Variants in SEMA3A observed in about 807,000 individuals in gnomAD.
SEMA3A encodes the protein semaphorin 3A, also known as semaphorin-3A.
SEMA3A carries 29 observed loss-of-function variants against 97.9 expected under a neutral mutation model. That is an observed-to-expected ratio of 0.30 (90% CI 0.22 to 0.40). The LOEUF is 0.40. Among genes scored for constraint, SEMA3A ranks in the 10% least tolerant of loss-of-function variants. The pLI is 1.00. For synonymous variants in SEMA3A, 321 were observed against 323.7 expected, an observed-to-expected ratio of 0.99 and a Z score of 0.09; for missense variants, 763 against 951.3, an observed-to-expected ratio of 0.80 and a Z score of 2.60.
intron 1 of SEMA3A, among the ~76,000 whole-genome samples, chr7:84,428,651 T>C (rs1435458125): frequency 6.6e-6 from 1 of 152,082 alleles, no homozygotes; most frequent in Non-Finnish European, 1.5e-5. Flanking sequence ...ATTCCATTAG[T>C]ATAAAAATTT....
chr7:84,406,791 A>G (rs1434564663), intron 1 of SEMA3A, among the ~76,000 whole-genome samples: 4 of 152,184 alleles, frequency 2.6e-5, no homozygotes, highest in African/African-American at 9.7e-5. Flanking sequence ...ACAGAACCAA[A>G]GACAAAAACC....
In SEMA3A at chr7:84,014,484, G is replaced by A. The variant is rs1791013913; in HGVS notation, c.668-133C>T. 8.7e-6 allele frequency: 6 copies of A among 690,614 alleles called. No individual in the cohort carries two copies. In the South Asian group the frequency reaches 9.9e-5, roughly 11 times the overall value. The allele number at this position is 690,614 out of a possible 1,614,324, so 42.8% of individuals were successfully genotyped here. A position where few individuals can be genotyped will look rare whatever the true frequency, so the allele number is the denominator to read the frequency against. On this transcript the variant is annotated intron_variant, in intron 6 of 16. Coordinates refer to ENST00000265362, the MANE Select transcript of SEMA3A (RefSeq NM_006080.3). ...AACGTATCTTTCGTTTGTTCATTTT[G>A]TAGGTACATATTAATTGTTCTTTAT... is the stretch of plus-strand genomic sequence containing the variant.
intron 1 of SEMA3A, among the ~76,000 whole-genome samples, chr7:84,173,051 C>T (rs1302774524): frequency 6.6e-6 from 1 of 152,040 alleles, no homozygotes; most frequent in African/African-American, 2.4e-5. Flanking sequence ...TTTGTTTCTG[C>T]CAACACTTTA....
chr7:84,007,449 C>T lies in SEMA3A; in HGVS notation c.1044G>A (p.Val348=). ...SAVCMYSMSD[V]RRVFLGPYAH... ...CATATGGACCAAGGAACACCCTTCT[C>T]ACATCACTCATGCTATACATACACA... is the stretch of plus-strand genomic sequence containing the variant. The change falls in exon 10 of 17, where the codon GTG becomes GTA. Residue 348 remains valine (V), a synonymous_variant. Coordinates refer to ENST00000265362, the MANE Select transcript of SEMA3A (RefSeq NM_006080.3). The T allele has an allele frequency of 6.2e-7, 1 of 1,606,620 alleles. No homozygotes were observed. Among genetic ancestry groups the T allele is most frequent in the Non-Finnish European group, 8.5e-7 (1 of 1,176,388 alleles).
At chr7:83,990,154 T>C (rs1301959475) in intron 12 of SEMA3A, among the ~76,000 whole-genome samples, 2 of 151,836 alleles carry the variant, frequency 1.3e-5, no homozygotes, top group African/African-American at 4.8e-5. Context: ...CGCCCACTTT[T>C]TGATGGGGTT....
chr7:84,222,117 G>C (rs1798896777), intron 3 of SEMA3A, among the ~76,000 whole-genome samples: 1 of 151,742 alleles, frequency 6.6e-6, no homozygotes, highest in Admixed American at 6.6e-5. Flanking sequence ...AAGATAGCAA[G>C]ACATATGCCA....
At chr7:84,189,607 C>T (rs1267558814) in intron 1 of SEMA3A, among the ~76,000 whole-genome samples, 2 of 151,578 alleles carry the variant, frequency 1.3e-5, no homozygotes, top group Admixed American at 1.3e-4. Flanking sequence ...CTTTAAAATG[C>T]AAGTTTCTTA....
chr7:83,978,999 G>A (rs992485078), intron 14 of SEMA3A, among the ~76,000 whole-genome samples: 1 of 152,022 alleles, frequency 6.6e-6, no homozygotes, highest in Non-Finnish European at 1.5e-5. Context: ...TTATAGATGT[G>A]TTGATTTTCT....
chr7:84,368,360 T>C lies in SEMA3A; in HGVS notation c.-169+3464A>G, dbSNP rs573343470. Among the ~76,000 whole-genome samples, 62 of 151,280 alleles carry C rather than the reference T, an allele frequency of 4.1e-4. 1 individual carries two copies. Among genetic ancestry groups the C allele is most frequent in the African/African-American group, 1.3e-3 (55 of 41,456 alleles). ...AACCACTTATGGATATAAATCATTG[T>C]CATCTTTGATGAGTTGTAATTAAAA... On this transcript the variant is annotated intron_variant, in intron 2 of 3. Coordinates refer to the SEMA3A transcript ENST00000424555.
At chr7:84,079,374 C>T (rs1255473831) in intron 4 of SEMA3A, among the ~76,000 whole-genome samples, 1 of 150,700 alleles carries the variant, frequency 6.6e-6, no homozygotes, top group Middle Eastern at 3.2e-3. Context: ...AACTAAAGAG[C>T]TTCTGCACAG....
At chr7:84,488,913 T>C (rs551017282) in intron 1 of SEMA3A, among the ~76,000 whole-genome samples, 1 of 152,268 alleles carries the variant, frequency 6.6e-6, no homozygotes, top group African/African-American at 2.4e-5. Flanking sequence ...TTTCCACTAA[T>C]AACGAAGTCA....
chr7:84,178,251 A>G (rs1328996067), intron 1 of SEMA3A, among the ~76,000 whole-genome samples: 2 of 152,018 alleles, frequency 1.3e-5, no homozygotes, highest in Non-Finnish European at 2.9e-5. Context: ...TTGCTTTTTT[A>G]TAACACTTAT....
intron 3 of SEMA3A, among the ~76,000 whole-genome samples, chr7:84,276,613 T>C (rs146537177): frequency 6.6e-5 from 10 of 152,226 alleles, no homozygotes; most frequent in East Asian, 5.8e-4. Flanking sequence ...TATTTTAATT[T>C]GATTTCCATT....
chr7:84,013,495 C>T (rs934180173), intron 7 of SEMA3A, among the ~76,000 whole-genome samples: 18 of 151,848 alleles, frequency 1.2e-4, no homozygotes, highest in African/African-American at 3.6e-4. Context: ...TTTGTAAAAA[C>T]GAGCTTTCAT....
At chr7:84,297,512 A>G (rs1800901382) in intron 3 of SEMA3A, among the ~76,000 whole-genome samples, 1 of 152,170 alleles carries the variant, frequency 6.6e-6, no homozygotes, top group South Asian at 2.1e-4. Flanking sequence ...TTGAGGGTCT[A>G]CTTTTCAACT....
rs145770352 is a variant in SEMA3A, at chr7:84,176,951, AAAATT to A, written c.112+17519_112+17523del. On this transcript the variant is annotated intron_variant, in intron 1 of 16. Transcript: ENST00000265362. ...ATAACAATATCTAGCCCCGAGCCAT[AAAATT>A]AGACTACTTTAGTGGTGCTGTCAAG... 4.2e-3 allele frequency among the ~76,000 whole-genome samples: 632 copies of A among 152,260 alleles called. 4 individuals carry two copies. The highest frequency in any genetic ancestry group is 0.014 in the African/African-American group (596 of 41,568).
At chr7:84,062,052 T>A (rs2115692288) in intron 4 of SEMA3A, among the ~76,000 whole-genome samples, 1 of 152,314 alleles carries the variant, frequency 6.6e-6, no homozygotes, top group Admixed American at 6.5e-5. Context: ...ATATTTAACC[T>A]CACAAGTTAA....
At chr7:84,216,983 A>G (rs1184725989) in intron 3 of SEMA3A, among the ~76,000 whole-genome samples, 1 of 152,210 alleles carries the variant, frequency 6.6e-6, no homozygotes, top group Non-Finnish European at 1.5e-5. Flanking sequence ...ATAGCAGCGG[A>G]TATGCGATTC....
intron 4 of SEMA3A, among the ~76,000 whole-genome samples, chr7:84,062,060 T>C (rs1411669027): frequency 6.6e-6 from 1 of 152,182 alleles, no homozygotes; most frequent in Non-Finnish European, 1.5e-5. Flanking sequence ...CCTCACAAGT[T>C]AATTTGGAGG....
Sources: gnomAD v4.1 joint callset for allele counts (sites outside exome capture counted in the v4.1 genomes callset) on GRCh38, gnomAD v4.1.1 for gene constraint, MANE v1.5 for transcripts, NCBI Gene and HGNC (gene_info 2026-07-23, HGNC 2026-07-21) for gene names.